MAN1C1: variants seen among roughly 807,000 people sequenced by gnomAD.
MAN1C1 encodes the protein mannosyl-oligosaccharide 1,2-alpha-mannosidase IC.
MAN1C1 carries 49 observed loss-of-function variants against 71.5 expected under a neutral mutation model. That is an observed-to-expected ratio of 0.69 (90% confidence interval 0.54 to 0.87). The LOEUF (loss-of-function observed/expected upper bound fraction) is 0.87. Among genes scored for constraint, MAN1C1 ranks in the 40% least tolerant of loss-of-function variants. MAN1C1 has a pLI of 0.00. For missense variants in MAN1C1, 743 were observed against 835.0 expected, an observed-to-expected ratio of 0.89 and a Z score of 1.36; for synonymous variants, 352 against 343.7, an observed-to-expected ratio of 1.02 and a Z score of -0.27.
At chr1:25,733,224 T>C (rs560216166) in intron 2 of MAN1C1, among the ~76,000 whole-genome samples, 1 of 152,122 alleles carries the variant, frequency 6.6e-6, no homozygotes. Flanking sequence ...CATCCGTAAG[T>C]GCCTAGAGGA....
chr1:25,627,067 A>G (rs865983182), intron 1 of MAN1C1, among the ~76,000 whole-genome samples: 1 of 152,192 alleles, frequency 6.6e-6, no homozygotes, highest in African/African-American at 2.4e-5. Flanking sequence ...AATGTAAGGT[A>G]GGAGTTAAAG....
intron 6 of MAN1C1, among the ~76,000 whole-genome samples, chr1:25,762,386 G>A (rs1395297566): frequency 6.6e-6 from 1 of 151,562 alleles, no homozygotes; most frequent in Non-Finnish European, 1.5e-5. Context: ...GCCTCCCAAA[G>A]TGCTGGGATT....
chr1:25,620,262 A>G (rs929374799), intron 1 of MAN1C1, among the ~76,000 whole-genome samples: 4 of 152,184 alleles, frequency 2.6e-5, no homozygotes, highest in Admixed American at 6.5e-5. Context: ...GGATCTTTCT[A>G]GCTGGTATCT....
Position 25,764,673 on chromosome 1 carries a change from C to T in MAN1C1, c.1141+706C>T, listed in dbSNP as rs2047405203. On this transcript the variant is annotated intron_variant, in intron 7 of 11. Transcript: ENST00000374332. The surrounding 1 kb of genome is among the most constrained non-coding windows in gnomAD (Gnocchi z 4.4). ...CCTCAAATGATCCAACCGCCTCGGC[C>T]TCCCAAAGTGCTGGGATTACAGGCG... Among the ~76,000 whole-genome samples, 1 of 152,104 alleles carries T rather than the reference C, an allele frequency of 6.6e-6. No individual in the cohort carries two copies. Among genetic ancestry groups the T allele is most frequent in the South Asian group, 2.1e-4 (1 of 4,824 alleles).
chr1:25,686,337 C>A, intron 1 of MAN1C1, 103 bp from the exon 2 acceptor site: 1 of 926,198 alleles, frequency 1.1e-6, no homozygotes, highest in Non-Finnish European at 1.7e-6. Context: ...GGAAGGTTAT[C>A]TTTTAGTTTA....
chr1:25,758,573 G>A lies in MAN1C1; in HGVS notation c.930-19G>A, dbSNP rs371728666. 3 of 1,612,290 alleles carry A rather than the reference G, an allele frequency of 1.9e-6. No individual in the cohort carries two copies. The highest frequency in any genetic ancestry group is 4.5e-5 in the East Asian group (2 of 44,864). On this transcript the variant is annotated intron_variant, in intron 5 of 11. Transcript: ENST00000374332. ...CCTGGCCAAAGGGGGGATGACGGGG[G>A]CTGCTTCTGTCTTTTCAGTGGGAAC...
In MAN1C1 at chr1:25,617,602, G is replaced by C. The variant is rs1008865475; in HGVS notation, c.-196G>C. ...GCCCCGCCGAGGCCGCTGCGCCCCC[G>C]CCTCCTCGCGGGAGGACTCGCTCCA... On this transcript the variant is annotated 5_prime_UTR_variant, in exon 1 of 12. Transcript: ENST00000374332. The surrounding 1 kb of genome is among the most constrained non-coding windows in gnomAD (Gnocchi z 5.1). 4 of 498,996 alleles carry C rather than the reference G, an allele frequency of 8.0e-6. No individual in the cohort carries two copies. Among genetic ancestry groups the C allele is most frequent in the South Asian group, 5.8e-5 (2 of 34,306 alleles). 30.9% of individuals were successfully genotyped at this position (498,996 alleles called of 1,614,324 possible).
intron 1 of MAN1C1, among the ~76,000 whole-genome samples, chr1:25,674,947 G>A (rs1194056383): frequency 6.6e-6 from 1 of 152,160 alleles, no homozygotes; most frequent in East Asian, 1.9e-4. Context: ...GGAGTTCCAT[G>A]GAGAGATGGG....
chr1:25,695,442 C>T (rs191181244), intron 2 of MAN1C1, among the ~76,000 whole-genome samples: 1 of 152,288 alleles, frequency 6.6e-6, no homozygotes, highest in East Asian at 1.9e-4. Flanking sequence ...ACAGATGCTA[C>T]GGCCCCATGG....
At chr1:25,653,127 C>T (rs745419064) in intron 1 of MAN1C1, among the ~76,000 whole-genome samples, 4 of 151,800 alleles carry the variant, frequency 2.6e-5, no homozygotes, top group Non-Finnish European at 5.9e-5. Flanking sequence ...TCCCAGGCTG[C>T]AGTGCAGTGG....
chr1:25,658,701 C>T (rs1159344917), intron 1 of MAN1C1: 2 of 152,168 alleles, frequency 1.3e-5, no homozygotes, highest in Non-Finnish European at 2.9e-5. Context: ...GTGATCTGCC[C>T]TCCTCAGCCT....
intron 1 of MAN1C1, among the ~76,000 whole-genome samples, chr1:25,621,815 G>A (rs191949644): frequency 5.9e-5 from 9 of 152,134 alleles, no homozygotes; most frequent in African/African-American, 2.2e-4. Flanking sequence ...TTTTAGTAGA[G>A]ACGGGGTTTT....
intron 6 of MAN1C1, among the ~76,000 whole-genome samples, chr1:25,763,138 C>T (rs1012907882): frequency 6.6e-6 from 1 of 152,130 alleles, no homozygotes; most frequent in Non-Finnish European, 1.5e-5. Flanking sequence ...TGTGGTGGTG[C>T]ATGCCTGTAG....
chr1:25,783,310 A>G lies in MAN1C1; in HGVS notation c.1767-353A>G, dbSNP rs560929634. Among the ~76,000 whole-genome samples, 12 of 152,284 alleles carry G rather than the reference A, an allele frequency of 7.9e-5. 1 individual carries two copies. In the East Asian group the frequency reaches 2.3e-3, roughly 29 times the overall value. ...CTCTGAATATAGAGTCTTAGTGGGC[A>G]GCAGCGGGGCACGTGAGAGTCAACT... On this transcript the variant is annotated intron_variant, in intron 11 of 11. Transcript: ENST00000374332.
At chr1:25,755,355 C>G (rs1346424176) in intron 5 of MAN1C1, among the ~76,000 whole-genome samples, 12 of 152,194 alleles carry the variant, frequency 7.9e-5, no homozygotes, top group Non-Finnish European at 1.8e-4. Flanking sequence ...CATGCTCTCT[C>G]ACACACATGC....
At chr1:25,635,651 G>A (rs1211004005) in intron 1 of MAN1C1, among the ~76,000 whole-genome samples, 1 of 152,018 alleles carries the variant, frequency 6.6e-6, no homozygotes, top group African/African-American at 2.4e-5. Context: ...GTTTCACCAT[G>A]TTGGTCAGGC....
rs563231621 is a variant in MAN1C1 at position 25,648,868 on chromosome 1, C to T, written c.540+30531C>T. On this transcript the variant is annotated intron_variant, in intron 1 of 11. Coordinates refer to ENST00000374332, the MANE Select transcript of MAN1C1 (RefSeq NM_020379.4). ...TGGTTGCCATGGAAATGTCTTCTAA[C>T]GTGGCATTCCAAGAGCAAAGAGAAG... Among the ~76,000 whole-genome samples the T allele has an allele frequency of 2.0e-5, 3 of 152,330 alleles. No individual in the cohort carries two copies. The East Asian group carries it at 5.8e-4, about 29-fold the overall frequency.
chr1:25,681,289 A>G (rs2046149893), intron 1 of MAN1C1, among the ~76,000 whole-genome samples: 1 of 152,128 alleles, frequency 6.6e-6, no homozygotes, highest in Admixed American at 6.5e-5. Context: ...CAAAATTAGC[A>G]AAGGAAACAG....
intron 7 of MAN1C1, among the ~76,000 whole-genome samples, chr1:25,768,597 C>G (rs2047493753): frequency 4.3e-5 from 5 of 115,748 alleles, no homozygotes; most frequent in East Asian, 3.4e-4. Context: ...CACACCCACA[C>G]TCCCCTCACA....
Sources: gnomAD v4.1 joint callset for allele counts (sites outside exome capture counted in the v4.1 genomes callset) on GRCh38, gnomAD v4.1.1 for gene constraint, Gnocchi (gnomAD v3.1) non-coding constraint, MANE v1.5 for transcripts, NCBI Gene and HGNC (gene_info 2026-07-23, HGNC 2026-07-21) for gene names.